The following LAMC3 variants were observed in gnomAD, a reference collection of about 807,000 sequenced individuals.
LAMC3 encodes laminin subunit gamma 3, also known as laminin subunit gamma-3.
In LAMC3, 128 loss-of-function variants were observed where a neutral mutation model predicts 173.8. The ratio of observed to expected loss-of-function variants is 0.74; its 90% CI spans 0.64 to 0.85. LAMC3 has a LOEUF of 0.85. Among genes scored for constraint, LAMC3 ranks in the 40% least tolerant of loss-of-function variants. The probability of loss-of-function intolerance (pLI) is 0.00; values close to 1 mark genes in which losing one functional copy is unlikely to be tolerated. For synonymous variants in LAMC3, 897 were observed against 909.1 expected (o/e 0.99, Z 0.24); for missense variants, 2,022 against 2,156.0 (o/e 0.94, Z 1.23).
At chr9:131,089,841 C>G (rs1830393472) in intron 27 of LAMC3, among the ~76,000 whole-genome samples, 1 of 152,230 alleles carries the variant, frequency 6.6e-6, no homozygotes, top group Non-Finnish European at 1.5e-5. Context: ...CCACACTAAG[C>G]TATTCACACA....
intron 27 of LAMC3, among the ~76,000 whole-genome samples, chr9:131,090,297 G>C (rs1830402244): frequency 6.6e-6 from 1 of 152,218 alleles, no homozygotes; most frequent in Non-Finnish European, 1.5e-5. Flanking sequence ...CTCTGTGTTG[G>C]CCTTGTGCTT....
rs376376091 is a variant in LAMC3, at chr9:131,029,109, C to T, written c.678+2520C>T. On this transcript the variant is annotated intron_variant, in intron 2 of 27. Transcript: ENST00000361069. This position sits in a 1 kb window ranked among gnomAD's most constrained non-coding sequence, Gnocchi z 4.6. Reference sequence around the variant, plus strand: ...CAAATCACATCATCCGCATAGACTACCTAGTGTGGCCCAAGGGAAGACCCT... The same window carrying T: ...CAAATCACATCATCCGCATAGACTATCTAGTGTGGCCCAAGGGAAGACCCT... 1.1e-3 allele frequency among the ~76,000 whole-genome samples: 161 copies of T among 152,292 alleles called. 4 individuals are homozygous for T. In the South Asian group the frequency reaches 0.032, roughly 30 times the overall value.
At chr9:131,090,903 C>T (rs531644046) in intron 27 of LAMC3, among the ~76,000 whole-genome samples, 6 of 152,334 alleles carry the variant, frequency 3.9e-5, no homozygotes, top group African/African-American at 9.6e-5. Flanking sequence ...GTGGCAGGCA[C>T]CTGTAATCCC....
rs950070867 is a variant in LAMC3 at position 131,072,848 on chromosome 9, A to T, written c.3417+13A>T. 2.4e-5 allele frequency: 38 copies of T among 1,602,128 alleles called. No homozygotes were observed. The highest frequency in any genetic ancestry group is 3.1e-5 in the Non-Finnish European group (36 of 1,174,378). On this transcript the variant is annotated intron_variant, in intron 19 of 27. Transcript: ENST00000361069. ...TCTCGCGTCTCTGGTATCCCAGGGG[A>T]CCCCCCTACCCGAACACACCAAACC... is the stretch of plus-strand genomic sequence containing the variant.
chr9:131,036,064 G>A (rs1833937592), intron 3 of LAMC3, 102 bp from the exon 4 acceptor site: 1 of 1,201,016 alleles, frequency 8.3e-7, no homozygotes, highest in African/African-American at 1.5e-5. Context: ...ATTGAGGGTG[G>A]AGTCTGGCTC....
intron 1 of LAMC3, among the ~76,000 whole-genome samples, chr9:131,015,822 A>T (rs1158058875): frequency 6.6e-6 from 1 of 151,970 alleles, no homozygotes; most frequent in African/African-American, 2.4e-5. Context: ...CACCCAGCTA[A>T]TTTTTTGTAT....
rs1834422347 is a variant in LAMC3 at position 131,057,065 on chromosome 9, G to A, written c.2076G>A (p.Lys692=). ...GTGAATCCTGTGCTCCGGGATACAA[G>A]AGGGAGATGCCACAGGGGGGTCCCT... ...QFCESCAPGY[K]REMPQGGPYA... Residue 692 remains lysine, a synonymous_variant, in exon 12 of 28, where the codon AAG becomes AAA. Transcript: ENST00000361069. The A allele has an allele frequency of 6.2e-7, 1 of 1,614,190 alleles. No homozygotes were observed.
intron 1 of LAMC3, among the ~76,000 whole-genome samples, chr9:131,018,596 C>T (rs1466966111): frequency 2.0e-5 from 3 of 152,142 alleles, no homozygotes; most frequent in African/African-American, 7.2e-5. Context: ...CTGGTGGTGA[C>T]ACTGCTTGGG....
chr9:131,036,307 C>T lies in LAMC3; in HGVS notation c.951C>T (p.Thr317=), dbSNP rs777456755. 3.2e-5 allele frequency: 51 copies of T among 1,613,076 alleles called. No individual in the cohort carries two copies. The highest frequency in any genetic ancestry group is 2.8e-4 in the African/African-American group (21 of 74,892). The part of the protein sequence containing the change: ...FFQDRPWARG[T]AEAAHECLPC... ...AGGACCGCCCGTGGGCCCGGGGCACCGCCGAGGCTGCCCACGAGTGTCTGC... is the reference window on the plus strand; with the variant it reads ...AGGACCGCCCGTGGGCCCGGGGCACTGCCGAGGCTGCCCACGAGTGTCTGC... Residue 317 remains threonine, a synonymous_variant, in exon 4 of 28, where the codon ACC becomes ACT. Coordinates refer to ENST00000361069, the MANE Select transcript of LAMC3 (RefSeq NM_006059.4).
chr9:131,009,533 T>C lies in LAMC3; in HGVS notation c.319T>C (p.Ser107Pro), dbSNP rs988539613. The C allele has an allele frequency of 6.4e-7, 1 of 1,563,046 alleles. No individual in the cohort carries two copies. Among genetic ancestry groups the C allele is most frequent in the Non-Finnish European group, 8.7e-7 (1 of 1,154,208 alleles). ...CGAGAGCACCTGGTGGCAGAGCCCG[T>C]CCATGGCCTTCGGCGTGCAGTACCC... is the stretch of plus-strand genomic sequence containing the variant. ...QDESTWWQSP[S>P]MAFGVQYPTS... The change falls in exon 1 of 28, where the codon TCC becomes CCC. Residue 107 changes from serine (S) to proline (P), a missense_variant. Coordinates refer to ENST00000361069, the MANE Select transcript of LAMC3 (RefSeq NM_006059.4). This position sits in a 1 kb window ranked among gnomAD's most constrained non-coding sequence, Gnocchi z 4.3.
intron 13 of LAMC3, among the ~76,000 whole-genome samples, chr9:131,061,451 T>C (rs1057447558): frequency 2.0e-5 from 3 of 152,208 alleles, no homozygotes; most frequent in Admixed American, 1.3e-4. Context: ...CATTGAGAAT[T>C]TGGGCTATTT....
chr9:131,020,197 C>T (rs1037302876), intron 1 of LAMC3, among the ~76,000 whole-genome samples: 46 of 152,338 alleles, frequency 3.0e-4, no homozygotes, highest in African/African-American at 1.1e-3. Context: ...CCTCGAGCAT[C>T]AGAACCAGGT....
chr9:131,032,599 GCTTT>G (rs1833857833), intron 3 of LAMC3, among the ~76,000 whole-genome samples: 1 of 70,278 alleles, frequency 1.4e-5, no homozygotes, highest in Non-Finnish European at 2.9e-5. Flanking sequence ...TTTCTCACTC[GCTTT>G]CTCTCTCTCT....
intron 3 of LAMC3, 81 bp downstream of exon 3, chr9:131,032,256 G>C (rs1175659292): frequency 2.2e-6 from 1 of 461,802 alleles, no homozygotes. Context: ...TGGGGTGGGG[G>C]GTGGGGGGGC....
At position 131,052,638 on chromosome 9, in the gene LAMC3, G is replaced by A; in HGVS notation, c.1778G>A (p.Gly593Asp). 1 of 1,613,908 alleles carries A rather than the reference G, an allele frequency of 6.2e-7. No individual in the cohort carries two copies. The highest frequency in any genetic ancestry group is 2.2e-5 in the East Asian group (1 of 44,866). ...ALSLRHSSLS[G>D]PQDAGHPREV... ...TCCCTGAGGCACTCTAGCCTGTCTGGCCCCCAGGATGCCGGGCATCCCAGG... is the reference window on the plus strand; with the variant it reads ...TCCCTGAGGCACTCTAGCCTGTCTGACCCCCAGGATGCCGGGCATCCCAGG... The change falls in exon 10 of 28, where the codon GGC becomes GAC. Residue 593 changes from glycine (G) to aspartate (D), a missense_variant. Transcript: ENST00000361069.
intron 13 of LAMC3, among the ~76,000 whole-genome samples, chr9:131,062,578 T>C (rs1829851541): frequency 6.6e-6 from 1 of 151,890 alleles, no homozygotes; most frequent in Admixed American, 6.6e-5. Context: ...CCATCAAATG[T>C]GTTGTTGAGG....
Position 131,032,303 on chromosome 9 carries a change from G to A in LAMC3, c.809+128G>A, listed in dbSNP as rs902517883. The stretch of plus-strand genomic sequence containing the variant: ...GTGTGCCCCAGGGGAGAGGGAGGGA[G>A]CACCTGCCATTCGAGGCCCTGGGGG... On this transcript the variant is annotated intron_variant, in intron 3 of 27. Transcript: ENST00000361069. 4.9e-6 allele frequency: 4 copies of A among 820,910 alleles called. No individual in the cohort carries two copies. The South Asian group carries it at 5.8e-5, about 12-fold the overall frequency. 50.9% of individuals were successfully genotyped at this position (820,910 alleles called of 1,614,324 possible).
chr9:131,064,282 G>A (rs545331971), intron 13 of LAMC3, among the ~76,000 whole-genome samples: 1 of 152,266 alleles, frequency 6.6e-6, no homozygotes, highest in Non-Finnish European at 1.5e-5. Flanking sequence ...CTTCACAATG[G>A]CAGCAGCTAT....
At chr9:131,034,754 G>A (rs1833910281) in intron 3 of LAMC3, among the ~76,000 whole-genome samples, 1 of 152,182 alleles carries the variant, frequency 6.6e-6, no homozygotes, top group African/African-American at 2.4e-5. Flanking sequence ...GACAGTGGTC[G>A]GGACAGGGAC....
Sources: gnomAD v4.1 joint callset for allele counts (sites outside exome capture counted in the v4.1 genomes callset) on GRCh38, gnomAD v4.1.1 for gene constraint, Gnocchi (gnomAD v3.1) non-coding constraint, MANE v1.5 for transcripts, NCBI Gene and HGNC (gene_info 2026-07-23, HGNC 2026-07-21) for gene names.